TGS1: variants seen among roughly 807,000 people sequenced by gnomAD.
TGS1 encodes the protein trimethylguanosine synthase.
In TGS1, 69 loss-of-function variants were observed where a neutral mutation model predicts 92.2. That is an observed-to-expected ratio of 0.75 (90% CI 0.62 to 0.91). The LOEUF (loss-of-function observed/expected upper bound fraction) is 0.91, where lower values mean the gene tolerates loss of function less well. TGS1 is among the 40% of genes least tolerant of loss of function. The pLI, the probability that TGS1 is intolerant of heterozygous loss-of-function variation, is 0.00. For synonymous variants in TGS1, 345 were observed against 338.1 expected (o/e 1.02, Z -0.22); for missense variants, 1,062 against 1,001.2 (o/e 1.06, Z -0.82).
At chr8:55,783,446 T>C (rs1396276632) in intron 2 of TGS1, among the ~76,000 whole-genome samples, 1 of 152,150 alleles carries the variant, frequency 6.6e-6, no homozygotes, top group African/African-American at 2.4e-5. Context: ...ATTCTAATCA[T>C]AATACACTTC....
chr8:55,778,342 C>A (rs1811458894), intron 1 of TGS1, among the ~76,000 whole-genome samples: 1 of 152,164 alleles, frequency 6.6e-6, no homozygotes, highest in Non-Finnish European at 1.5e-5. Context: ...ACATGAGAGC[C>A]TTTCTACTAT....
rs1284254980 is a variant in TGS1, at chr8:55,801,557, A to AT, written c.1850-900_1850-899insT. ...CCAAAGTGCTGGGATTATAGGCATGAACCACTGCGCCCAGCCCCATCGTTC... is the reference window on the plus strand; with the variant it reads ...CCAAAGTGCTGGGATTATAGGCATGATACCACTGCGCCCAGCCCCATCGTTC... On this transcript the variant is annotated intron_variant, in intron 8 of 12. Transcript: ENST00000260129. 2.9e-5 allele frequency among the ~76,000 whole-genome samples: 4 copies of AT among 138,516 alleles called. No individual in the cohort carries two copies. The South Asian group carries it at 9.3e-4, about 32-fold the overall frequency. 90.9% of individuals were successfully genotyped at this position (138,516 alleles called of 152,430 possible). A position where few individuals can be genotyped will look rare whatever the true frequency, so the allele number is the denominator to read the frequency against.
intron 4 of TGS1, among the ~76,000 whole-genome samples, chr8:55,789,828 G>A (rs1811823022): frequency 6.6e-6 from 1 of 152,184 alleles, no homozygotes; most frequent in African/African-American, 2.4e-5. Flanking sequence ...CATTTGAATA[G>A]TTGGCTGCCT....
At chr8:55,809,332 CTT>C in intron 10 of TGS1, among the ~76,000 whole-genome samples, 1 of 152,138 alleles carries the variant, frequency 6.6e-6, no homozygotes, top group Non-Finnish European at 1.5e-5. Flanking sequence ...TGGTAGAACT[CTT>C]TGTGATGACT....
chr8:55,824,842 T>A lies in TGS1; in HGVS notation c.*139T>A. 1 of 877,792 alleles carries A rather than the reference T, an allele frequency of 1.1e-6. No individual in the cohort carries two copies. The highest frequency in any genetic ancestry group is 1.7e-6 in the Non-Finnish European group (1 of 582,946). The allele number at this position is 877,792 out of a possible 1,614,324, so 54.4% of individuals were successfully genotyped here. A position where few individuals can be genotyped will look rare whatever the true frequency, so the allele number is the denominator to read the frequency against. Reference sequence around the variant, plus strand: ...GTATGAAATGGAAACTTACAGGACTTAAATATCAGTGAAATATTTTGAGAT... The same window carrying A: ...GTATGAAATGGAAACTTACAGGACTAAAATATCAGTGAAATATTTTGAGAT... On this transcript the variant is annotated 3_prime_UTR_variant, in exon 13 of 13. Coordinates refer to ENST00000260129, the MANE Select transcript of TGS1 (RefSeq NM_024831.8).
chr8:55,808,749 T>G (rs1411787728), intron 10 of TGS1, among the ~76,000 whole-genome samples: 4 of 152,066 alleles, frequency 2.6e-5, no homozygotes, highest in Admixed American at 2.6e-4. Context: ...CCTCAGGTGA[T>G]CCACCCAACC....
rs150865757 is a variant in TGS1 at position 55,813,196 on chromosome 8, T to G, written c.2439+78T>G. 1.7e-4 allele frequency: 170 copies of G among 1,012,000 alleles called. No homozygotes were observed. The African/African-American group carries it at 2.4e-3, about 14-fold the overall frequency. The allele number at this position is 1,012,000 out of a possible 1,614,324, so 62.7% of individuals were successfully genotyped here. A position where few individuals can be genotyped will look rare whatever the true frequency, so the allele number is the denominator to read the frequency against. On this transcript the variant is annotated intron_variant, in intron 12 of 12. Transcript: ENST00000260129. ...ACGGTAAAAGATACAGGACATATCC[T>G]TACCAGAGAATGTGTTTATGAGAAG...
intron 12 of TGS1, among the ~76,000 whole-genome samples, chr8:55,815,339 C>T (rs1248071346): frequency 6.6e-6 from 1 of 151,810 alleles, no homozygotes; most frequent in East Asian, 1.9e-4. Flanking sequence ...TTTTTGCTAT[C>T]AAATTTTGAT....
intron 12 of TGS1, 86 bp from the exon 13 acceptor site, chr8:55,824,495 C>G: frequency 6.5e-7 from 1 of 1,544,244 alleles, no homozygotes; most frequent in Non-Finnish European, 8.8e-7. Flanking sequence ...CAGAGTCTTC[C>G]TATTATTTGA....
At position 55,806,546 on chromosome 8, in the gene TGS1, G is replaced by A. The variant is rs538275421; in HGVS notation, c.2143+1510G>A. ...TGTTAATTAACTGTTTACATTATAGGTGAGGCTTCAGGTCAACAGTAGGCT... is the reference window on the plus strand; with the variant it reads ...TGTTAATTAACTGTTTACATTATAGATGAGGCTTCAGGTCAACAGTAGGCT... On this transcript the variant is annotated intron_variant, in intron 10 of 12. Coordinates refer to ENST00000260129, the MANE Select transcript of TGS1 (RefSeq NM_024831.8). 9.2e-5 allele frequency among the ~76,000 whole-genome samples: 14 copies of A among 152,044 alleles called. No individual in the cohort carries two copies. In the South Asian group the frequency reaches 2.1e-3, roughly 23 times the overall value.
chr8:55,808,389 A>T (rs900003955), intron 10 of TGS1, among the ~76,000 whole-genome samples: 7 of 152,224 alleles, frequency 4.6e-5, no homozygotes, highest in African/African-American at 7.2e-5. Flanking sequence ...TTTTGGCCTT[A>T]CATCGTAACA....
At position 55,773,473 on chromosome 8, in the gene TGS1, T is replaced by A. The variant is rs1038526504; in HGVS notation, c.-146T>A. The A allele has an allele frequency of 3.5e-6, 2 of 576,292 alleles. No individual in the cohort carries two copies. The highest frequency in any genetic ancestry group is 3.8e-5 in the Admixed American group (1 of 26,044). The allele number at this position is 576,292 out of a possible 1,614,324, so 35.7% of individuals were successfully genotyped here. A position where few individuals can be genotyped will look rare whatever the true frequency, so the allele number is the denominator to read the frequency against. On this transcript the variant is annotated 5_prime_UTR_variant, in exon 1 of 13. Transcript: ENST00000260129. ...TTCCGGCGGCAGCGTCCGGGCTAGT[T>A]CCCGGCGCGAGCGGCCGCGGGCCAG...
intron 10 of TGS1, among the ~76,000 whole-genome samples, chr8:55,808,035 G>A (rs1046793589): frequency 6.6e-5 from 10 of 152,176 alleles, no homozygotes; most frequent in African/African-American, 2.4e-4. Context: ...TCCTTGCTCG[G>A]TCTAGTCAGA....
At chr8:55,822,752 C>T (rs558412893) in intron 12 of TGS1, among the ~76,000 whole-genome samples, 1 of 152,032 alleles carries the variant, frequency 6.6e-6, no homozygotes, top group East Asian at 1.9e-4. Flanking sequence ...CTGTATTTGA[C>T]TTATTTTCAC....
At chr8:55,819,790 C>T (rs1266273847) in intron 12 of TGS1, among the ~76,000 whole-genome samples, 2 of 152,170 alleles carry the variant, frequency 1.3e-5, no homozygotes, top group Non-Finnish European at 2.9e-5. Flanking sequence ...CTTCTTTCAC[C>T]TCCCAGAGAA....
intron 6 of TGS1, among the ~76,000 whole-genome samples, chr8:55,794,477 C>T (rs1298613420): frequency 6.6e-6 from 1 of 152,106 alleles, no homozygotes; most frequent in Non-Finnish European, 1.5e-5. Context: ...ACAAATAAAG[C>T]AACAGTGCAG....
intron 7 of TGS1, 31 bp downstream of exon 7, chr8:55,796,183 A>G (rs993443824): frequency 6.6e-7 from 1 of 1,519,162 alleles, no homozygotes. Context: ...ATATTTGTAG[A>G]TAGAATCATG....
chr8:55,786,651 A>G lies in TGS1; in HGVS notation c.753A>G (p.Gln251=), dbSNP rs1811722156. The change falls in exon 4 of 13, where the codon CAA becomes CAG. Residue 251 remains glutamine, a synonymous_variant. Transcript: ENST00000260129. ...AACTTTATTGGTATTATTTGGAACA[A>G]TTTCAGTATTGGGAAGCTCAGGGTT... The part of the protein sequence containing the change: ...YSQLYWYYLE[Q]FQYWEAQGWT... 2 of 1,614,068 alleles carry G rather than the reference A, an allele frequency of 1.2e-6. No homozygotes were observed. Among genetic ancestry groups the G allele is most frequent in the Admixed American group, 1.7e-5 (1 of 59,994 alleles).
chr8:55,825,931 G>A lies in TGS1; in HGVS notation c.*1228G>A, dbSNP rs1243328535. On this transcript the variant is annotated 3_prime_UTR_variant, in exon 13 of 13. Transcript: ENST00000260129. ...GTCGCCCAGGCTGGAGTGCAATGGCGTGATCTCAGCTTACTGCAACCTCCA... is the reference window on the plus strand; with the variant it reads ...GTCGCCCAGGCTGGAGTGCAATGGCATGATCTCAGCTTACTGCAACCTCCA... 6.6e-6 allele frequency among the ~76,000 whole-genome samples: 1 copy of A among 150,598 alleles called. No individual in the cohort carries two copies. The highest frequency in any genetic ancestry group is 2.1e-4 in the South Asian group (1 of 4,784).
Sources: allele counts gnomAD v4.1 joint callset (sites outside exome capture counted in the v4.1 genomes callset), GRCh38; gene constraint gnomAD v4.1.1; transcripts MANE v1.5; gene names NCBI Gene and HGNC (gene_info 2026-07-23, HGNC 2026-07-21).